RNF10: variants seen among roughly 807,000 people sequenced by gnomAD.
RNF10 encodes ring finger protein 10, also known as E3 ubiquitin-protein ligase RNF10.
In RNF10, 38 loss-of-function variants were observed where a neutral mutation model predicts 91.4. The observed-to-expected ratio is 0.42, with a 90% confidence interval of 0.32 to 0.54. RNF10 has a LOEUF of 0.54. Among genes scored for constraint, RNF10 ranks in the 20% least tolerant of loss-of-function variants. The pLI is 0.16. For synonymous variants in RNF10, 364 were observed against 366.3 expected, an observed-to-expected ratio of 0.99 and a Z score of 0.07; for missense variants, 945 against 1,012.0, an observed-to-expected ratio of 0.93 and a Z score of 0.90.
chr12:120,555,768 T>C (rs1807123947), intron 4 of RNF10, among the ~76,000 whole-genome samples: 1 of 151,986 alleles, frequency 6.6e-6, no homozygotes, highest in Admixed American at 6.6e-5. Context: ...AGTGGTGGGA[T>C]TACAGGCATG....
chr12:120,559,821 T>C (rs969001767), intron 6 of RNF10, among the ~76,000 whole-genome samples: 8 of 150,806 alleles, frequency 5.3e-5, no homozygotes, highest in African/African-American at 2.0e-4. Context: ...CCAGCCTCCC[T>C]AGTAGCTGGG....
At chr12:120,546,647 T>C (rs919167095) in intron 2 of RNF10, 46 bp downstream of exon 2, 2 of 1,521,896 alleles carry the variant, frequency 1.3e-6, no homozygotes, top group African/African-American at 2.8e-5. Context: ...GCATGAGATC[T>C]GATCCCATCC....
chr12:120,557,664 C>G lies in RNF10; in HGVS notation c.949C>G (p.His317Asp). ...CAAATCCAAATGGATGAATGTAGAC[C>G]ATCCCATTCATCTAGGAGGTGAGTT... is the stretch of plus-strand genomic sequence containing the variant. ...LPKSKWMNVD[H>D]PIHLGDEQHS... The change falls in exon 6 of 17, where the codon CAT (histidine) becomes GAT (aspartate). Residue 317 changes from histidine to aspartate, a missense_variant. By Grantham distance (81) the His-to-Asp change is moderately conservative. Transcript: ENST00000325954. 6.2e-7 allele frequency: 1 copy of G among 1,614,140 alleles called. No individual in the cohort carries two copies. The highest frequency in any genetic ancestry group is 8.5e-7 in the Non-Finnish European group (1 of 1,180,022).
intron 1 of RNF10, among the ~76,000 whole-genome samples, chr12:120,544,443 GCT>G (rs1872011652): frequency 6.6e-6 from 1 of 151,778 alleles, no homozygotes; most frequent in Non-Finnish European, 1.5e-5. Flanking sequence ...GATCACTTGA[GCT>G]CTGGAGTTTA....
chr12:120,536,805 G>A (rs1225145983), intron 1 of RNF10, among the ~76,000 whole-genome samples: 1 of 152,108 alleles, frequency 6.6e-6, no homozygotes, highest in African/African-American at 2.4e-5. Flanking sequence ...ATTTTTCTGG[G>A]GCTCCTCTTT....
Position 120,565,547 on chromosome 12 carries a change from C to A in RNF10, c.1885+18C>A, listed in dbSNP as rs1165404567. On this transcript the variant is annotated intron_variant, in intron 12 of 16. Coordinates refer to ENST00000325954, the MANE Select transcript of RNF10 (RefSeq NM_014868.5). Reference sequence around the variant, plus strand: ...GGGCAAGTGTAAGTTCAGGAACTTTCATCTTTGACTAGCACTGCTGTACGT... The same window carrying A: ...GGGCAAGTGTAAGTTCAGGAACTTTAATCTTTGACTAGCACTGCTGTACGT... 1.9e-6 allele frequency: 3 copies of A among 1,600,146 alleles called. No individual in the cohort carries two copies. The highest frequency in any genetic ancestry group is 2.6e-6 in the Non-Finnish European group (3 of 1,167,944).
intron 1 of RNF10, 96 bp from the exon 2 acceptor site, chr12:120,546,309 C>A: frequency 9.1e-7 from 1 of 1,096,072 alleles, no homozygotes; most frequent in Non-Finnish European, 1.3e-6. Flanking sequence ...GGTCAAAGGG[C>A]CTATTCACCC....
chr12:120,540,854 C>CTTTTTTTTTTT (rs34034209), intron 1 of RNF10, among the ~76,000 whole-genome samples: 1 of 137,588 alleles, frequency 7.3e-6, no homozygotes, highest in Non-Finnish European at 1.6e-5. Flanking sequence ...AGTTTACTTT[C>CTTTTTTTTTTT]TTTTTTTTTT....
At chr12:120,570,529 G>C (rs1876471836) in intron 13 of RNF10, among the ~76,000 whole-genome samples, 1 of 152,256 alleles carries the variant, frequency 6.6e-6, no homozygotes, top group South Asian at 2.1e-4. Flanking sequence ...AAGAGCAATT[G>C]GTTGGTCCTA....
chr12:120,571,126 T>C lies in RNF10; in HGVS notation c.2042-65T>C, dbSNP rs975495847. 2.7e-5 allele frequency: 29 copies of C among 1,055,016 alleles called. No homozygotes were observed. The South Asian group carries it at 3.5e-4, about 13-fold the overall frequency. The allele number at this position is 1,055,016 out of a possible 1,614,324, so 65.4% of individuals were successfully genotyped here. On this transcript the variant is annotated intron_variant, in intron 13 of 16. Transcript: ENST00000325954. Reference sequence around the variant, plus strand: ...CCAGACCTGACTCAGGGCTCACTCATCTCTCTTGTTAAGGACACCCCTTGG... The same window carrying C: ...CCAGACCTGACTCAGGGCTCACTCACCTCTCTTGTTAAGGACACCCCTTGG...
chr12:120,543,488 A>ACCC (rs886490879), intron 1 of RNF10, among the ~76,000 whole-genome samples: 1 of 151,708 alleles, frequency 6.6e-6, no homozygotes, highest in African/African-American at 2.4e-5. Flanking sequence ...ACATAGTGAG[A>ACCC]CCCCCGTCTG....
chr12:120,568,839 C>T (rs1876169568), intron 13 of RNF10, among the ~76,000 whole-genome samples: 1 of 152,134 alleles, frequency 6.6e-6, no homozygotes, highest in Non-Finnish European at 1.5e-5. Context: ...TCACTGCAGT[C>T]TTGAACTCCT....
At chr12:120,556,324 G>A (rs1305989241) in intron 4 of RNF10, among the ~76,000 whole-genome samples, 5 of 151,290 alleles carry the variant, frequency 3.3e-5, no homozygotes, top group Admixed American at 3.3e-4. Flanking sequence ...CACGGGGTCA[G>A]GAGATCGAGA....
At chr12:120,557,942 G>A (rs1416072821) in intron 6 of RNF10, among the ~76,000 whole-genome samples, 1 of 152,136 alleles carries the variant, frequency 6.6e-6, no homozygotes, top group Admixed American at 6.6e-5. Context: ...CCCAATCTTA[G>A]AGGTTCTGTG....
In RNF10 at chr12:120,567,114, G is replaced by A. The variant is rs1046610427; in HGVS notation, c.2041+134G>A. The A allele has an allele frequency of 1.7e-5, 13 of 772,960 alleles. No homozygotes were observed. In the East Asian group the frequency reaches 3.8e-4, roughly 23 times the overall value. 47.9% of individuals were successfully genotyped at this position (772,960 alleles called of 1,614,324 possible). ...CATAACCTTACTTTGGTAGTCCTGA[G>A]GTACATCAAATTCTTTTATTCATCT... On this transcript the variant is annotated intron_variant, in intron 13 of 16. Coordinates refer to ENST00000325954, the MANE Select transcript of RNF10 (RefSeq NM_014868.5).
At chr12:120,562,880 G>C in intron 7 of RNF10, 65 bp from the exon 8 acceptor site, 1 of 1,605,236 alleles carries the variant, frequency 6.2e-7, no homozygotes, top group South Asian at 1.1e-5. Context: ...CTAAGCCCTT[G>C]CCCTTCAAGC....
intron 14 of RNF10, among the ~76,000 whole-genome samples, chr12:120,573,858 T>G (rs1877016041): frequency 6.6e-6 from 1 of 152,202 alleles, no homozygotes; most frequent in Non-Finnish European, 1.5e-5. Flanking sequence ...TTCAGATCCC[T>G]TCTGTGGTAA....
chr12:120,552,665 AGCCTTTTAACAAGGAACTC>A lies in RNF10; in HGVS notation c.522_540del (p.Lys174AsnfsTer27). On this transcript the variant is annotated frameshift_variant, in exon 3 of 17. Transcript: ENST00000325954. LOFTEE classifies it high-confidence loss of function. ...GGAAAGAGGAACAAGTGGGGACATAAGCCTTTTAACAAGGAACTCTTTTTACAGGCCAAGTGAGTATTGC... is the reference window on the plus strand; with the variant it reads ...GGAAAGAGGAACAAGTGGGGACATAATTTTTACAGGCCAAGTGAGTATTGC... 6.2e-7 allele frequency: 1 copy of A among 1,614,150 alleles called. No individual in the cohort carries two copies. The highest frequency in any genetic ancestry group is 2.2e-5 in the East Asian group (1 of 44,892).
intron 1 of RNF10, among the ~76,000 whole-genome samples, 170 bp downstream of exon 1, chr12:120,535,138 C>T (rs1870558766): frequency 6.6e-6 from 1 of 152,242 alleles, no homozygotes; most frequent in Non-Finnish European, 1.5e-5. Flanking sequence ...CGCTGTGCTG[C>T]GTGGTTTACG....
Sources: allele counts gnomAD v4.1 joint callset (sites outside exome capture counted in the v4.1 genomes callset), GRCh38; gene constraint gnomAD v4.1.1; transcripts MANE v1.5; gene names NCBI Gene and HGNC (gene_info 2026-07-23, HGNC 2026-07-21).